NRCAM: variants seen among roughly 807,000 people sequenced by gnomAD.
The protein encoded by NRCAM is NgCAM-related cell adhesion molecule.
Under a neutral mutation model 156.5 loss-of-function variants are expected in NRCAM, and 83 were observed. That is an observed-to-expected ratio of 0.53 (90% CI 0.44 to 0.64). The LOEUF (loss-of-function observed/expected upper bound fraction) is 0.64. NRCAM is among the 30% of genes least tolerant of loss of function. The pLI, the probability that NRCAM is intolerant of heterozygous loss-of-function variation, is 0.00. For missense variants in NRCAM, 1,417 were observed against 1,597.3 expected (o/e 0.89, Z 1.92); for synonymous variants, 538 against 563.9 (o/e 0.95, Z 0.65).
intron 1 of NRCAM, among the ~76,000 whole-genome samples, chr7:108,408,854 C>T (rs1288326382): frequency 2.0e-5 from 3 of 152,186 alleles, no homozygotes; most frequent in Non-Finnish European, 2.9e-5. Flanking sequence ...AAGAAATGTC[C>T]TCCTTGGGTT....
intron 2 of NRCAM, among the ~76,000 whole-genome samples, chr7:108,385,767 CG>C (rs2099738601): frequency 6.6e-6 from 1 of 151,832 alleles, no homozygotes; most frequent in Admixed American, 6.6e-5. Flanking sequence ...AATGAAATTG[CG>C]TATTTGAATG....
At chr7:108,192,435 A>G (rs1179603921) in intron 17 of NRCAM, among the ~76,000 whole-genome samples, 1 of 152,104 alleles carries the variant, frequency 6.6e-6, no homozygotes, top group Non-Finnish European at 1.5e-5. Context: ...ATAGAAATAA[A>G]GTGCACAGTA....
chr7:108,452,576 A>C (rs557309216), intron 1 of NRCAM, among the ~76,000 whole-genome samples: 153 of 152,306 alleles, frequency 1.0e-3, no homozygotes, highest in Middle Eastern at 3.4e-3. Flanking sequence ...AGGTTCCTGG[A>C]AGGGATGCTT....
chr7:108,356,623 A>T (rs2099500915), intron 2 of NRCAM, among the ~76,000 whole-genome samples: 1 of 152,176 alleles, frequency 6.6e-6, no homozygotes, highest in Non-Finnish European at 1.5e-5. Flanking sequence ...GAAAATAATT[A>T]TTACAGCCTG....
intron 28 of NRCAM, among the ~76,000 whole-genome samples, chr7:108,171,949 T>A (rs1478774086): frequency 6.6e-6 from 1 of 152,196 alleles, no homozygotes; most frequent in Admixed American, 6.5e-5. Context: ...GAGAGTCAGA[T>A]CACAGAAGGG....
chr7:108,175,183 A>G (rs1402940240), intron 28 of NRCAM, 139 bp downstream of exon 28: 1 of 655,584 alleles, frequency 1.5e-6, no homozygotes, highest in African/African-American at 1.9e-5. Flanking sequence ...AATTAATTTT[A>G]AAGCCAAGAT....
chr7:108,180,434 C>G lies in NRCAM; in HGVS notation c.2647-7G>C, dbSNP rs372193927. On this transcript the variant is annotated splice_region_variant and splice_polypyrimidine_tract_variant and intron_variant, in intron 24 of 32. Transcript: ENST00000379028. ...GGGTCTTCCAATAGTAAATCTGAAA[C>G]AGCAAGAACGAAAGTCAGGAATGCA... 1 of 1,611,258 alleles carries G rather than the reference C, an allele frequency of 6.2e-7. No homozygotes were observed. Among genetic ancestry groups the G allele is most frequent in the Admixed American group, 1.7e-5 (1 of 60,010 alleles).
intron 2 of NRCAM, among the ~76,000 whole-genome samples, chr7:108,319,878 T>C (rs1407932532): frequency 6.6e-6 from 1 of 152,214 alleles, no homozygotes; most frequent in Non-Finnish European, 1.5e-5. Context: ...TGGAGCCCTG[T>C]AGTTCTTTCA....
chr7:108,382,032 T>C (rs969845341), intron 2 of NRCAM, among the ~76,000 whole-genome samples: 7 of 152,126 alleles, frequency 4.6e-5, no homozygotes, highest in African/African-American at 1.7e-4. Flanking sequence ...GTTGCCTGAC[T>C]AGCAAGTTTA....
At chr7:108,379,631 A>AT (rs941286458) in intron 2 of NRCAM, among the ~76,000 whole-genome samples, 79 of 150,760 alleles carry the variant, frequency 5.2e-4, no homozygotes, top group Admixed American at 1.1e-3. Context: ...ATCACAGTTA[A>AT]TTTTTTTTTT....
chr7:108,327,192 G>T (rs1428036113), intron 2 of NRCAM, among the ~76,000 whole-genome samples: 2 of 152,170 alleles, frequency 1.3e-5, no homozygotes, highest in Non-Finnish European at 2.9e-5. Context: ...TGGGAATTCA[G>T]CTCTGCCTAT....
chr7:108,403,770 A>G (rs1326379719), intron 1 of NRCAM, among the ~76,000 whole-genome samples: 2 of 152,232 alleles, frequency 1.3e-5, no homozygotes, highest in Non-Finnish European at 2.9e-5. Context: ...TGAGAAACAT[A>G]TTGCAAAAAC....
intron 3 of NRCAM, among the ~76,000 whole-genome samples, chr7:108,252,315 T>C (rs2096397373): frequency 6.6e-6 from 1 of 152,198 alleles, no homozygotes; most frequent in Non-Finnish European, 1.5e-5. Flanking sequence ...AGCAGCTTCT[T>C]AAAAATGTCC....
At chr7:108,254,692 C>T (rs1287113044) in intron 3 of NRCAM, among the ~76,000 whole-genome samples, 1 of 151,992 alleles carries the variant, frequency 6.6e-6, no homozygotes, top group Non-Finnish European at 1.5e-5. Context: ...GGACCACAGG[C>T]ATATGTTCTA....
At chr7:108,219,258 G>A (rs1428359438) in intron 11 of NRCAM, among the ~76,000 whole-genome samples, 1 of 152,078 alleles carries the variant, frequency 6.6e-6, no homozygotes, top group Non-Finnish European at 1.5e-5. Context: ...TGGATTCACA[G>A]CAGAATTCTA....
At chr7:108,308,642 C>T in intron 3 of NRCAM, among the ~76,000 whole-genome samples, 1 of 152,220 alleles carries the variant, frequency 6.6e-6, no homozygotes, top group East Asian at 1.9e-4. Flanking sequence ...TCATCATTGT[C>T]TCACTATGGC....
chr7:108,240,703 C>T (rs2095465203), intron 3 of NRCAM, among the ~76,000 whole-genome samples: 1 of 152,138 alleles, frequency 6.6e-6, no homozygotes, highest in Non-Finnish European at 1.5e-5. Context: ...GAGTTCGGGC[C>T]TTCCTCCCTG....
intron 2 of NRCAM, among the ~76,000 whole-genome samples, chr7:108,374,928 T>C (rs2099667061): frequency 6.6e-6 from 1 of 152,134 alleles, no homozygotes; most frequent in African/African-American, 2.4e-5. Flanking sequence ...TCCTTACTGA[T>C]TAGCAATAAT....
intron 10 of NRCAM, among the ~76,000 whole-genome samples, 158 bp from the exon 11 acceptor site, chr7:108,223,994 C>A (rs1201747352): frequency 6.6e-6 from 1 of 152,132 alleles, no homozygotes; most frequent in Non-Finnish European, 1.5e-5. Flanking sequence ...ACACTCTCTG[C>A]GTTATAAGTA....
Sources: gnomAD v4.1 joint callset for allele counts (sites outside exome capture counted in the v4.1 genomes callset) on GRCh38, gnomAD v4.1.1 for gene constraint, MANE v1.5 for transcripts, NCBI Gene and HGNC (gene_info 2026-07-23, HGNC 2026-07-21) for gene names.